KCNQ1: variants seen among roughly 807,000 people sequenced by gnomAD.
KCNQ1 encodes the protein potassium voltage-gated channel subfamily KQT member 1.
KCNQ1 carries 49 observed loss-of-function variants against 72.4 expected under a neutral mutation model. The observed-to-expected ratio is 0.68, with a 90% CI of 0.54 to 0.86. The LOEUF (loss-of-function observed/expected upper bound fraction) is 0.86. Ranked by LOEUF, KCNQ1 falls within the 40% of genes least tolerant of loss-of-function variation. The probability of loss-of-function intolerance (pLI) is 0.00; values close to 1 mark genes in which losing one functional copy is unlikely to be tolerated. For missense variants in KCNQ1, 790 were observed against 945.1 expected (o/e 0.84, Z 2.15); for synonymous variants, 450 against 412.6 (o/e 1.09, Z -1.10).
rs1413721793 is a variant in KCNQ1 at position 2,710,877 on chromosome 11, T to C, written c.1514+48796T>C. 6.6e-6 allele frequency among the ~76,000 whole-genome samples: 1 copy of C among 152,254 alleles called. No individual in the cohort carries two copies. Among genetic ancestry groups the C allele is most frequent in the African/African-American group, 2.4e-5 (1 of 41,474 alleles). Reference sequence around the variant, plus strand: ...CAGTACTATATCGTCTTGATTGTTATAGCTTTGTAGTGAGTTTTAAAATTG... The same window carrying C: ...CAGTACTATATCGTCTTGATTGTTACAGCTTTGTAGTGAGTTTTAAAATTG... On this transcript the variant is annotated intron_variant, in intron 11 of 15. Transcript: ENST00000155840. The surrounding 1 kb of genome is among the most constrained non-coding windows in gnomAD (Gnocchi z 4.1).
intron 15 of KCNQ1, among the ~76,000 whole-genome samples, chr11:2,829,314 GA>G (rs1425767404): frequency 3.4e-5 from 5 of 147,510 alleles, no homozygotes; most frequent in Admixed American, 6.7e-5. Flanking sequence ...AATCCCAGAA[GA>G]AAAAAAAAAT....
At chr11:2,821,297 G>A (rs922201729) in intron 15 of KCNQ1, among the ~76,000 whole-genome samples, 20 of 152,236 alleles carry the variant, frequency 1.3e-4, no homozygotes, top group African/African-American at 3.6e-4. Flanking sequence ...CACTGCAAGC[G>A]AGAGGATGGG....
rs541612026 is a variant in KCNQ1, at chr11:2,759,140, C to G, written c.1515-9704C>G. On this transcript the variant is annotated intron_variant, in intron 11 of 15. Coordinates refer to ENST00000155840, the MANE Select transcript of KCNQ1 (RefSeq NM_000218.3). This position sits in a 1 kb window ranked among gnomAD's most constrained non-coding sequence, Gnocchi z 4.4. Reference sequence around the variant, plus strand: ...TTTTTTTTCCCAACTTCCTAGGAGTCTATAATTGTTTCAAAATAAAAAGAA... The same window carrying G: ...TTTTTTTTCCCAACTTCCTAGGAGTGTATAATTGTTTCAAAATAAAAAGAA... Among the ~76,000 whole-genome samples, 1 of 150,302 alleles carries G rather than the reference C, an allele frequency of 6.7e-6. No individual in the cohort carries two copies. The highest frequency in any genetic ancestry group is 6.6e-5 in the Admixed American group (1 of 15,130).
rs558407852 is a variant in KCNQ1 at position 2,697,748 on chromosome 11, ATAT to A, written c.1514+35672_1514+35674del. 1,543 of 398,600 alleles carry A rather than the reference ATAT, an allele frequency of 3.9e-3. 4 individuals carry two copies. The highest frequency in any genetic ancestry group is 5.5e-3 in the Non-Finnish European group (1,247 of 226,062). 24.7% of individuals were successfully genotyped at this position (398,600 alleles called of 1,614,324 possible). A position where few individuals can be genotyped will look rare whatever the true frequency, so the allele number is the denominator to read the frequency against. ...TTGTTTAAGAATTGTTGTTTAATAC[ATAT>A]TATTGGATTCAGTTAGCTAGCATTG... is the stretch of plus-strand genomic sequence containing the variant. On this transcript the variant is annotated intron_variant, in intron 11 of 15. Transcript: ENST00000155840.
intron 15 of KCNQ1, among the ~76,000 whole-genome samples, chr11:2,829,067 T>A (rs1847892636): frequency 6.6e-6 from 1 of 152,218 alleles, no homozygotes; most frequent in South Asian, 2.1e-4. Context: ...TTTCCAAACA[T>A]GCACAGTCAA....
In KCNQ1 at chr11:2,803,124, G is replaced by A. The variant is rs1847303768; in HGVS notation, c.1794+25087G>A. ...ATGGTGAGGGGCAGAGTGAGCAAGG[G>A]GCTCAGGGTAGCCCAGAAAACCCAG... On this transcript the variant is annotated intron_variant, in intron 15 of 15. Coordinates refer to ENST00000155840, the MANE Select transcript of KCNQ1 (RefSeq NM_000218.3). This position sits in a 1 kb window ranked among gnomAD's most constrained non-coding sequence, Gnocchi z 6.4. Among the ~76,000 whole-genome samples the A allele has an allele frequency of 6.6e-6, 1 of 150,872 alleles. No individual in the cohort carries two copies. The highest frequency in any genetic ancestry group is 1.5e-5 in the Non-Finnish European group (1 of 67,784).
chr11:2,605,717 T>G (rs992697214), intron 10 of KCNQ1, among the ~76,000 whole-genome samples: 7 of 152,230 alleles, frequency 4.6e-5, no homozygotes, highest in African/African-American at 1.7e-4. Context: ...TCAGGAAGTA[T>G]GAAGCCTCCA....
chr11:2,615,941 A>C (rs777784713), intron 10 of KCNQ1: 19 of 397,972 alleles, frequency 4.8e-5, no homozygotes, highest in Admixed American at 1.3e-4. Flanking sequence ...GATTGGTGTG[A>C]ATTCTTCAAG....
intron 10 of KCNQ1, chr11:2,615,667 A>G (rs1849048740): frequency 2.5e-6 from 1 of 397,916 alleles, no homozygotes; most frequent in South Asian, 1.3e-4. Context: ...TCATTGTATT[A>G]ATGTGGTGTA....
At chr11:2,638,856 A>C (rs1849523019) in intron 10 of KCNQ1, 1 of 152,190 alleles carries the variant, frequency 6.6e-6, no homozygotes, top group African/African-American at 2.4e-5. Context: ...TACACCAGTC[A>C]GATGTAGATT....
At chr11:2,823,542 G>A (rs959473239) in intron 15 of KCNQ1, among the ~76,000 whole-genome samples, 15 of 152,244 alleles carry the variant, frequency 9.9e-5, no homozygotes, top group African/African-American at 3.4e-4. Context: ...AGAACAGGGA[G>A]GTCCAAGCCC....
intron 10 of KCNQ1, chr11:2,609,370 T>C: frequency 2.5e-6 from 1 of 398,476 alleles, no homozygotes; most frequent in East Asian, 3.6e-5. Flanking sequence ...TATTTCATTA[T>C]ATTCAGAAAA....
rs966705915 is a variant in KCNQ1 at position 2,563,321 on chromosome 11, G to A, written c.478-7307G>A. Among the ~76,000 whole-genome samples the A allele has an allele frequency of 4.6e-5, 7 of 152,182 alleles. No individual in the cohort carries two copies. Among genetic ancestry groups the A allele is most frequent in the East Asian group, 1.9e-4 (1 of 5,200 alleles). ...TTGCAACACGTTTGAGCCAAAGTGCGACCTTTCCCCGCTCTGTTCACTCGG... is the reference window on the plus strand; with the variant it reads ...TTGCAACACGTTTGAGCCAAAGTGCAACCTTTCCCCGCTCTGTTCACTCGG... On this transcript the variant is annotated intron_variant, in intron 2 of 15. Transcript: ENST00000155840. This position sits in a 1 kb window ranked among gnomAD's most constrained non-coding sequence, Gnocchi z 7.4.
intron 2 of KCNQ1, among the ~76,000 whole-genome samples, chr11:2,552,263 G>A (rs895136390): frequency 6.6e-6 from 1 of 152,102 alleles, no homozygotes; most frequent in Non-Finnish European, 1.5e-5. Flanking sequence ...TTCATTTCGA[G>A]TTTAATTTTA....
chr11:2,463,764 C>T lies in KCNQ1; in HGVS notation c.386+18280C>T, dbSNP rs1446683394. Reference sequence around the variant, plus strand: ...AGTTTCAGAGTGGCGGCCTCTGCTCCTCACAAGACATTGCCCTGCGAGGGG... The same window carrying T: ...AGTTTCAGAGTGGCGGCCTCTGCTCTTCACAAGACATTGCCCTGCGAGGGG... On this transcript the variant is annotated intron_variant, in intron 1 of 15. Coordinates refer to ENST00000155840, the MANE Select transcript of KCNQ1 (RefSeq NM_000218.3). The surrounding 1 kb of genome is among the most constrained non-coding windows in gnomAD (Gnocchi z 7.0). Among the ~76,000 whole-genome samples the T allele has an allele frequency of 6.6e-6, 1 of 152,238 alleles. No homozygotes were observed. The highest frequency in any genetic ancestry group is 1.5e-5 in the Non-Finnish European group (1 of 68,042).
chr11:2,741,859 T>C (rs561981000), intron 11 of KCNQ1, among the ~76,000 whole-genome samples: 35 of 152,280 alleles, frequency 2.3e-4, no homozygotes, highest in South Asian at 2.3e-3. Context: ...TTCCTTCTCC[T>C]GGCCAAGGCC....
chr11:2,802,118 G>A (rs1847280166), intron 15 of KCNQ1, among the ~76,000 whole-genome samples: 1 of 152,214 alleles, frequency 6.6e-6, no homozygotes, highest in Non-Finnish European at 1.5e-5. Context: ...GAGGGTGTTG[G>A]GGCCCATCCA....
intron 11 of KCNQ1, chr11:2,694,495 G>C (rs949779297): frequency 7.5e-6 from 3 of 398,548 alleles, no homozygotes; most frequent in Non-Finnish European, 1.3e-5. Flanking sequence ...AGCATTACCA[G>C]TGTGGCTGGC....
At position 2,497,494 on chromosome 11, in the gene KCNQ1, A is replaced by G. The variant is rs1291930362; in HGVS notation, c.387-30434A>G. Among the ~76,000 whole-genome samples the G allele has an allele frequency of 2.0e-5, 3 of 152,062 alleles. No homozygotes were observed. Among genetic ancestry groups the G allele is most frequent in the Non-Finnish European group, 4.4e-5 (3 of 68,028 alleles). On this transcript the variant is annotated intron_variant, in intron 1 of 15. Coordinates refer to ENST00000155840, the MANE Select transcript of KCNQ1 (RefSeq NM_000218.3). The surrounding 1 kb of genome is among the most constrained non-coding windows in gnomAD (Gnocchi z 4.5). ...CTTGTGTATGCATCACAAAGTTCTC[A>G]TGCTGTGTTTTTCAGCTCCATGAGG... is the stretch of plus-strand genomic sequence containing the variant.
Sources: gnomAD v4.1 joint callset for allele counts (sites outside exome capture counted in the v4.1 genomes callset) on GRCh38, gnomAD v4.1.1 for gene constraint, Gnocchi (gnomAD v3.1) non-coding constraint, MANE v1.5 for transcripts, NCBI Gene and HGNC (gene_info 2026-07-23, HGNC 2026-07-21) for gene names.